Variants in PALM2AKAP2 observed in about 807,000 individuals in gnomAD.
The protein encoded by PALM2AKAP2 is PALM2-AKAP2 fusion protein.
In PALM2AKAP2, 37 loss-of-function variants were observed where a neutral mutation model predicts 71.5. The observed-to-expected ratio is 0.52, with a 90% CI of 0.40 to 0.68. The LOEUF is 0.68. Ranked by LOEUF, PALM2AKAP2 falls within the 30% of genes least tolerant of loss-of-function variation. PALM2AKAP2 has a pLI of 0.00. For missense variants in PALM2AKAP2, 1,224 were observed against 1,191.8 expected (o/e 1.03, Z -0.40); for synonymous variants, 468 against 478.8 (o/e 0.98, Z 0.29).
chr9:110,000,129 T>C (rs1286085415), intron 6 of PALM2AKAP2, among the ~76,000 whole-genome samples: 1 of 152,024 alleles, frequency 6.6e-6, no homozygotes, highest in African/African-American at 2.4e-5. Flanking sequence ...TCATTTAACA[T>C]CAGGGATATC....
intron 1 of PALM2AKAP2, among the ~76,000 whole-genome samples, chr9:109,747,336 C>T (rs1322584340): frequency 6.6e-6 from 1 of 152,074 alleles, no homozygotes; most frequent in Non-Finnish European, 1.5e-5. Context: ...ATTATAAATG[C>T]CTTCTTAAAC....
At chr9:110,167,616 T>C (rs532185820) in intron 3 of PALM2AKAP2, among the ~76,000 whole-genome samples, 2 of 152,234 alleles carry the variant, frequency 1.3e-5, no homozygotes, top group Admixed American at 6.5e-5. Flanking sequence ...TCACCTTTCA[T>C]TTCATTGATT....
At chr9:109,943,502 G>A (rs922366281) in intron 6 of PALM2AKAP2, 6 of 1,497,052 alleles carry the variant, frequency 4.0e-6, no homozygotes, top group Non-Finnish European at 5.3e-6. Context: ...ACCACTAACT[G>A]CAATACTGTG....
chr9:109,689,612 C>T (rs1458089208), intron 1 of PALM2AKAP2, among the ~76,000 whole-genome samples: 1 of 152,192 alleles, frequency 6.6e-6, no homozygotes, highest in East Asian at 1.9e-4. Flanking sequence ...GAGTTCTGAA[C>T]ACATTGAGAA....
chr9:109,750,567 A>G (rs373771692), intron 1 of PALM2AKAP2, among the ~76,000 whole-genome samples: 2 of 72,770 alleles, frequency 2.7e-5, no homozygotes, highest in East Asian at 1.1e-3. Flanking sequence ...GCTCTGCCCT[A>G]GGACGTGTGT....
At chr9:109,931,993 C>A in exon 6 of PALM2AKAP2, 1 of 1,614,058 alleles carries the variant, frequency 6.2e-7, no homozygotes. Flanking sequence ...ACAGCAGAAC[C>A]ATCACCTGGG....
intron 1 of PALM2AKAP2, among the ~76,000 whole-genome samples, chr9:109,845,901 A>G (rs1038536016): frequency 1.3e-5 from 2 of 152,204 alleles, no homozygotes; most frequent in Non-Finnish European, 2.9e-5. Flanking sequence ...GCCCAGGTTA[A>G]GCATAAAGGA....
chr9:109,992,829 C>G (rs182737995), intron 6 of PALM2AKAP2, among the ~76,000 whole-genome samples: 346 of 152,038 alleles, frequency 2.3e-3, no homozygotes, highest in African/African-American at 8.2e-3. Context: ...TGGGACCACA[C>G]TTGGGAAGAC....
chr9:109,953,086 A>G (rs1831674321), intron 6 of PALM2AKAP2, among the ~76,000 whole-genome samples: 1 of 152,184 alleles, frequency 6.6e-6, no homozygotes, highest in African/African-American at 2.4e-5. Context: ...ATTTGTGACT[A>G]GTTTTGTAGT....
At chr9:109,843,064 C>G (rs1194303974) in intron 1 of PALM2AKAP2, among the ~76,000 whole-genome samples, 15 of 136,090 alleles carry the variant, frequency 1.1e-4, no homozygotes, top group Non-Finnish European at 2.1e-4. Flanking sequence ...CGCTTGAACC[C>G]GGGAGGTGGA....
intron 3 of PALM2AKAP2, among the ~76,000 whole-genome samples, chr9:110,157,274 A>G (rs1275344070): frequency 1.3e-5 from 2 of 152,132 alleles, no homozygotes; most frequent in Non-Finnish European, 2.9e-5. Context: ...TCCTCCCCTG[A>G]CTGCACTTAA....
intron 1 of PALM2AKAP2, among the ~76,000 whole-genome samples, chr9:109,705,620 G>T (rs1178415841): frequency 6.6e-6 from 1 of 152,190 alleles, no homozygotes. Flanking sequence ...GTTGGATCCA[G>T]GCACCTCCCT....
intron 1 of PALM2AKAP2, among the ~76,000 whole-genome samples, chr9:109,793,537 T>G (rs755043954): frequency 2.0e-5 from 3 of 152,298 alleles, no homozygotes; most frequent in Non-Finnish European, 4.4e-5. Flanking sequence ...TTATTTGTCT[T>G]GTTTGTTTGT....
At chr9:110,095,600 C>G (rs1380120009) in intron 1 of PALM2AKAP2, among the ~76,000 whole-genome samples, 1 of 152,102 alleles carries the variant, frequency 6.6e-6, no homozygotes, top group East Asian at 1.9e-4. Context: ...TGCTGTCAAG[C>G]ATAAGAATTG....
rs576850485 is a variant in PALM2AKAP2, at chr9:110,062,092, A to G, written c.156+13237A>G. Reference sequence around the variant, plus strand: ...AAGGCTTACAAAAAAATAGCATTAAAAAAATTTTATTTTAAGTTCCAGGAT... The same window carrying G: ...AAGGCTTACAAAAAAATAGCATTAAGAAAATTTTATTTTAAGTTCCAGGAT... On this transcript the variant is annotated intron_variant, in intron 1 of 3. Transcript: ENST00000374525. Among the ~76,000 whole-genome samples, 3 of 152,298 alleles carry G rather than the reference A, an allele frequency of 2.0e-5. No homozygotes were observed. The South Asian group carries it at 6.2e-4, about 32-fold the overall frequency.
chr9:109,761,620 C>T (rs568327176), intron 1 of PALM2AKAP2, among the ~76,000 whole-genome samples: 6 of 152,202 alleles, frequency 3.9e-5, no homozygotes, highest in African/African-American at 9.6e-5. Flanking sequence ...TGGAACATGC[C>T]GTGTTTGGTT....
intron 3 of PALM2AKAP2, among the ~76,000 whole-genome samples, chr9:109,903,172 A>C (rs1830367235): frequency 6.6e-6 from 1 of 151,998 alleles, no homozygotes; most frequent in East Asian, 1.9e-4. Context: ...AGCCGCAGGG[A>C]GGAAGAGCAC....
At chr9:109,987,127 ATTCTT>A (rs767546447) in intron 6 of PALM2AKAP2, among the ~76,000 whole-genome samples, 45 of 151,720 alleles carry the variant, frequency 3.0e-4, no homozygotes, top group Non-Finnish European at 4.9e-4. Context: ...TCCTTTCTCT[ATTCTT>A]TTCTTTTCTT....
intron 6 of PALM2AKAP2, among the ~76,000 whole-genome samples, chr9:109,983,672 C>G (rs1044157502): frequency 4.6e-5 from 7 of 151,930 alleles, no homozygotes; most frequent in Non-Finnish European, 7.4e-5. Context: ...CGAGACCAGC[C>G]TGACCAACAT....
Sources: allele counts gnomAD v4.1 joint callset (sites outside exome capture counted in the v4.1 genomes callset), GRCh38; gene constraint gnomAD v4.1.1; transcripts MANE v1.5; gene names NCBI Gene and HGNC (gene_info 2026-07-23, HGNC 2026-07-21).